Variants in KCNC2 observed in about 807,000 individuals in gnomAD.
KCNC2 encodes voltage-gated potassium channel KCNC2.
KCNC2 carries 21 observed loss-of-function variants against 44.5 expected under a neutral mutation model. The ratio of observed to expected loss-of-function variants is 0.47; its 90% CI spans 0.33 to 0.68. KCNC2 has a LOEUF of 0.68. KCNC2 is among the 30% of genes least tolerant of loss of function. The pLI is 0.01. For missense variants in KCNC2, 589 were observed against 826.2 expected (o/e 0.71, Z 3.52); for synonymous variants, 391 against 339.1 (o/e 1.15, Z -1.68).
chr12:75,112,331 G>A (rs1592897381), intron 2 of KCNC2, among the ~76,000 whole-genome samples: 2 of 151,900 alleles, frequency 1.3e-5, no homozygotes, highest in East Asian at 1.9e-4. Flanking sequence ...ATTCCTCCTT[G>A]ATAGCACCAC....
chr12:75,136,074 T>C (rs565583031), intron 2 of KCNC2, among the ~76,000 whole-genome samples: 9 of 152,164 alleles, frequency 5.9e-5, no homozygotes, highest in African/African-American at 2.2e-4. Flanking sequence ...TTAACCTTTC[T>C]GTCCACTATA....
At chr12:75,094,487 A>G (rs1254017022) in intron 2 of KCNC2, among the ~76,000 whole-genome samples, 1 of 151,700 alleles carries the variant, frequency 6.6e-6, no homozygotes, top group African/African-American at 2.4e-5. Flanking sequence ...TTAAAAGCTG[A>G]GCCTGAAAAG....
At chr12:75,074,183 T>C (rs149925768) in intron 2 of KCNC2, among the ~76,000 whole-genome samples, 20 of 148,452 alleles carry the variant, frequency 1.3e-4, no homozygotes, top group Non-Finnish European at 2.5e-4. Flanking sequence ...AGAGGAAAAA[T>C]AAGTAGGAGG....
At chr12:75,125,372 T>G (rs1304150699) in intron 2 of KCNC2, among the ~76,000 whole-genome samples, 1 of 152,240 alleles carries the variant, frequency 6.6e-6, no homozygotes, top group Non-Finnish European at 1.5e-5. Context: ...CAAACCGCTT[T>G]TGACTTATGA....
chr12:75,207,833 C>T lies in KCNC2; in HGVS notation c.151G>A (p.Gly51Ser). The T allele has an allele frequency of 6.2e-7, 1 of 1,609,606 alleles. No homozygotes were observed. Among genetic ancestry groups the T allele is most frequent in the South Asian group, 1.1e-5 (1 of 90,894 alleles). Reference protein sequence around the residue: ...EPPGDCLTTAGDKLQPSPPPL... With the variant: ...EPPGDCLTTASDKLQPSPPPL... ...GGCGGCGACGGCTGCAGCTTGTCGC[C>T]CGCCGTGGTCAAGCAGTCGCCTGGG... Residue 51 changes from glycine (G) to serine (S), a missense_variant, in exon 2 of 5, where the codon GGC (glycine) becomes AGC (serine). Physicochemically the swap from Gly to Ser is moderately conservative, Grantham distance 56. Transcript: ENST00000549446. The surrounding 1 kb of genome is among the most constrained non-coding windows in gnomAD (Gnocchi z 4.1).
At position 75,166,387 on chromosome 12, in the gene KCNC2, T is replaced by C. The variant is rs1437836233; in HGVS notation, c.687+40910A>G. Among the ~76,000 whole-genome samples, 5 of 149,682 alleles carry C rather than the reference T, an allele frequency of 3.3e-5. No homozygotes were observed. The East Asian group carries it at 9.8e-4, about 29-fold the overall frequency. On this transcript the variant is annotated intron_variant, in intron 2 of 4. Transcript: ENST00000549446. The stretch of plus-strand genomic sequence containing the variant: ...TAGTGACTTCAATATCATACTTAAA[T>C]GATGGATGGAACATCTAGGCAGAAG...
intron 2 of KCNC2, among the ~76,000 whole-genome samples, chr12:75,089,473 C>G (rs1350717808): frequency 2.0e-5 from 3 of 151,646 alleles, no homozygotes; most frequent in African/African-American, 4.8e-5. Context: ...TACAGTGAAA[C>G]CGGTTAAATA....
chr12:75,155,187 C>G (rs1390360670), intron 2 of KCNC2, among the ~76,000 whole-genome samples: 2 of 151,808 alleles, frequency 1.3e-5, no homozygotes, highest in African/African-American at 2.4e-5. Context: ...TGCAATATAG[C>G]CATCAATGCA....
At chr12:75,081,357 T>A (rs1374118573) in intron 2 of KCNC2, among the ~76,000 whole-genome samples, 1 of 151,976 alleles carries the variant, frequency 6.6e-6, no homozygotes, top group African/African-American at 2.4e-5. Context: ...GGAGGCACAA[T>A]TTAACACTGC....
intron 2 of KCNC2, among the ~76,000 whole-genome samples, chr12:75,107,101 G>A (rs111694983): frequency 6.6e-6 from 1 of 152,146 alleles, no homozygotes; most frequent in African/African-American, 2.4e-5. Context: ...TTAGGAGATC[G>A]AGACCATCCT....
intron 2 of KCNC2, among the ~76,000 whole-genome samples, chr12:75,153,596 CT>C (rs1221186332): frequency 6.6e-6 from 1 of 151,546 alleles, no homozygotes; most frequent in African/African-American, 2.4e-5. Flanking sequence ...CAAAACTGCA[CT>C]TTGTATCCCC....
intron 2 of KCNC2, among the ~76,000 whole-genome samples, chr12:75,086,699 T>TATATATATATATATATATAC (rs1339170718): frequency 7.2e-6 from 1 of 138,912 alleles, no homozygotes; most frequent in African/African-American, 2.8e-5. Context: ...TATATATATA[T>TATATATATATATATATATAC]ACACACACAT....
chr12:75,095,033 G>A (rs1044368261), intron 2 of KCNC2, among the ~76,000 whole-genome samples: 1 of 151,850 alleles, frequency 6.6e-6, no homozygotes, highest in Non-Finnish European at 1.5e-5. Context: ...TGAAGGCATT[G>A]TTCTTCACAT....
At chr12:75,182,553 A>AAC (rs1436587094) in intron 2 of KCNC2, among the ~76,000 whole-genome samples, 12 of 151,816 alleles carry the variant, frequency 7.9e-5, no homozygotes, top group African/African-American at 2.2e-4. Flanking sequence ...AAAACAAAAA[A>AAC]AAACAAACAG....
At position 75,042,779 on chromosome 12, in the gene KCNC2, A is replaced by AT; in HGVS notation, c.*325_*326insA. On this transcript the variant is annotated 3_prime_UTR_variant, in exon 5 of 5. Coordinates refer to ENST00000549446, the MANE Select transcript of KCNC2 (RefSeq NM_139137.4). ...AATGAAGTGGTTGGCATTTGGAAGC[A>AT]CACTGTTTTAAATATATCTCCCTGA... is the stretch of plus-strand genomic sequence containing the variant. The AT allele has an allele frequency of 8.6e-7, 1 of 1,160,922 alleles. No individual in the cohort carries two copies. The highest frequency in any genetic ancestry group is 1.6e-5 in the African/African-American group (1 of 62,614). The allele number at this position is 1,160,922 out of a possible 1,614,324, so 71.9% of individuals were successfully genotyped here. A position where few individuals can be genotyped will look rare whatever the true frequency, so the allele number is the denominator to read the frequency against.
intron 2 of KCNC2, among the ~76,000 whole-genome samples, chr12:75,155,136 C>G (rs1165468205): frequency 6.6e-6 from 1 of 151,732 alleles, no homozygotes; most frequent in Non-Finnish European, 1.5e-5. Flanking sequence ...AAAAAAAACG[C>G]CCCTCTTTAC....
At chr12:75,171,421 A>T (rs778175059) in intron 2 of KCNC2, among the ~76,000 whole-genome samples, 1 of 151,874 alleles carries the variant, frequency 6.6e-6, no homozygotes, top group Non-Finnish European at 1.5e-5. Context: ...GCCTACCACA[A>T]GTCTTTGTAA....
chr12:75,153,433 A>G (rs1890543253), intron 2 of KCNC2, among the ~76,000 whole-genome samples: 1 of 151,770 alleles, frequency 6.6e-6, no homozygotes, highest in African/African-American at 2.4e-5. Flanking sequence ...ACATGGATAG[A>G]GAGAGTGGAA....
chr12:75,170,626 G>A (rs1891750144), intron 2 of KCNC2, among the ~76,000 whole-genome samples: 1 of 151,694 alleles, frequency 6.6e-6, no homozygotes, highest in Non-Finnish European at 1.5e-5. Context: ...TTACTTAACT[G>A]TATGTGAATC....
Sources: gnomAD v4.1 joint callset for allele counts (sites outside exome capture counted in the v4.1 genomes callset) on GRCh38, gnomAD v4.1.1 for gene constraint, Gnocchi (gnomAD v3.1) non-coding constraint, MANE v1.5 for transcripts, NCBI Gene and HGNC (gene_info 2026-07-23, HGNC 2026-07-21) for gene names.